The following HMCN2 variants were observed in gnomAD, a reference collection of about 807,000 sequenced individuals.
HMCN2 encodes the protein hemicentin 2, also known as hemicentin-2.
Under a neutral mutation model 377.5 loss-of-function variants are expected in HMCN2, and 325 were observed. That is an observed-to-expected ratio of 0.86 (90% CI 0.79 to 0.94). The LOEUF (loss-of-function observed/expected upper bound fraction) is 0.94, where lower values mean the gene tolerates loss of function less well. Ranked by LOEUF, HMCN2 falls within the 40% of genes least tolerant of loss-of-function variation. The pLI is 0.00. For missense variants in HMCN2, 4,543 were observed against 4,725.3 expected, an observed-to-expected ratio of 0.96 and a Z score of 1.13; for synonymous variants, 2,007 against 2,046.8, an observed-to-expected ratio of 0.98 and a Z score of 0.53.
intron 29 of HMCN2, among the ~76,000 whole-genome samples, chr9:130,350,378 C>CAAAAAAAAAAAAAA (rs1448443171): frequency 1.5e-4 from 11 of 74,724 alleles, no homozygotes; most frequent in Admixed American, 5.7e-4. Context: ...GCTAAAAATA[C>CAAAAAAAAAAAAAA]AAAAAAATAC....
chr9:130,429,103 G>A (rs749660222), intron 93 of HMCN2: 2 of 191,338 alleles, frequency 1.0e-5, no homozygotes, highest in South Asian at 2.0e-4. Context: ...TGGAGTGCCC[G>A]ACAACTCACC....
rs1160414538 is a variant in HMCN2, at chr9:130,393,020, AAGAG to A, written c.10137-187_10137-184del. Among the ~76,000 whole-genome samples, 1 of 151,790 alleles carries A rather than the reference AAGAG, an allele frequency of 6.6e-6. No individual in the cohort carries two copies. The highest frequency in any genetic ancestry group is 1.5e-5 in the Non-Finnish European group (1 of 67,938). ...CACCATCTCAAAAAAAAAAAAGAAA[AAGAG>A]AGAGTTTAAGCAAAGGCTGGGCTCA... On this transcript the variant is annotated intron_variant, in intron 66 of 97. Transcript: ENST00000683500. This position sits in a 1 kb window ranked among gnomAD's most constrained non-coding sequence, Gnocchi z 5.2.
At chr9:130,329,654 G>T (rs970057110) in intron 22 of HMCN2, among the ~76,000 whole-genome samples, 2 of 152,098 alleles carry the variant, frequency 1.3e-5, no homozygotes, top group African/African-American at 2.4e-5. Context: ...TCTTGGTCAG[G>T]CTGGTCTTGA....
intron 15 of HMCN2, among the ~76,000 whole-genome samples, chr9:130,315,505 T>A (rs1215619432): frequency 6.7e-6 from 1 of 149,654 alleles, no homozygotes; most frequent in Non-Finnish European, 1.5e-5. Flanking sequence ...TAGGGTTCTC[T>A]ACAAATGTGA....
intron 27 of HMCN2, 72 bp downstream of exon 27, chr9:130,348,747 T>C: frequency 3.1e-6 from 4 of 1,284,678 alleles, no homozygotes; most frequent in Non-Finnish European, 4.1e-6. Flanking sequence ...GGATGGGCAT[T>C]TCTGCGTGTG....
At chr9:130,278,239 C>T (rs1488940947) in intron 1 of HMCN2, among the ~76,000 whole-genome samples, 1 of 152,158 alleles carries the variant, frequency 6.6e-6, no homozygotes, top group East Asian at 1.9e-4. Flanking sequence ...ATTCTCCTGC[C>T]TCAGCCTCCC....
At chr9:130,398,769 T>C in intron 75 of HMCN2, 62 bp downstream of exon 75, 1 of 1,011,916 alleles carries the variant, frequency 9.9e-7, no homozygotes, top group Non-Finnish European at 1.3e-6. Context: ...CACTCTCTTC[T>C]CACGGGGGCA....
chr9:130,433,379 G>C lies in HMCN2; in HGVS notation c.14926G>C (p.Gly4976Arg), dbSNP rs113041177. 1 of 1,478,218 alleles carries C rather than the reference G, an allele frequency of 6.8e-7. No individual in the cohort carries two copies. Among genetic ancestry groups the C allele is most frequent in the South Asian group, 1.3e-5 (1 of 77,600 alleles). The allele number at this position is 1,478,218 out of a possible 1,614,324, so 91.6% of individuals were successfully genotyped here. Residue 4976 changes from glycine to arginine, a missense_variant, in exon 98 of 98, where the codon GGC becomes CGC. Gly to Arg is a moderately radical substitution (Grantham distance 125, BLOSUM62 -2). Around this residue, in one of 5 missense-constraint regions of HMCN2, gnomAD observed 1,155 missense variants for 1,157.7 expected, o/e 1.00. Transcript: ENST00000683500. ...CTTCCGGCGCTGCTCGCAGGACTGCGGCACGGGCGGCCCCTCTACGCTGCA... is the reference window on the plus strand; with the variant it reads ...CTTCCGGCGCTGCTCGCAGGACTGCCGCACGGGCGGCCCCTCTACGCTGCA... Reference protein sequence around the residue: ...TCFRRCSQDCGTGGPSTLQYR... With the variant: ...TCFRRCSQDCRTGGPSTLQYR...
intron 15 of HMCN2, among the ~76,000 whole-genome samples, 184 bp downstream of exon 15, chr9:130,310,245 G>A (rs1225786074): frequency 6.6e-6 from 1 of 152,178 alleles, no homozygotes; most frequent in Non-Finnish European, 1.5e-5. Context: ...GCTCTTGCTG[G>A]GTAACAAATA....
intron 2 of HMCN2, among the ~76,000 whole-genome samples, chr9:130,284,950 A>T (rs1554927082): frequency 6.6e-6 from 1 of 152,180 alleles, no homozygotes; most frequent in East Asian, 1.9e-4. Flanking sequence ...TCTTGCATGG[A>T]TGAATGAATG....
chr9:130,323,457 A>G (rs1837955678), intron 19 of HMCN2, among the ~76,000 whole-genome samples: 1 of 152,208 alleles, frequency 6.6e-6, no homozygotes, highest in Non-Finnish European at 1.5e-5. Flanking sequence ...AACACTGCTC[A>G]TCTATCCATT....
At chr9:130,314,055 C>T (rs1837414378) in intron 15 of HMCN2, among the ~76,000 whole-genome samples, 1 of 152,336 alleles carries the variant, frequency 6.6e-6, no homozygotes, top group Admixed American at 6.5e-5. Context: ...GCTGGGATTA[C>T]AGGCATGAGC....
Position 130,315,721 on chromosome 9 carries a change from G to A in HMCN2, c.2351-3774G>A, listed in dbSNP as rs1170332579. Among the ~76,000 whole-genome samples the A allele has an allele frequency of 5.9e-5, 9 of 152,242 alleles. No homozygotes were observed. In the South Asian group the frequency reaches 1.9e-3, roughly 32 times the overall value. On this transcript the variant is annotated intron_variant, in intron 15 of 97. Coordinates refer to ENST00000683500, the MANE Select transcript of HMCN2 (RefSeq NM_001291815.2). ...CTCACAGCTCTGGAGGCTGGAAGCC[G>A]ACCATCAGGCTGCTGGCCTGGCTGG...
intron 22 of HMCN2, among the ~76,000 whole-genome samples, chr9:130,328,175 A>C (rs924321899): frequency 1.3e-5 from 2 of 152,186 alleles, no homozygotes; most frequent in Non-Finnish European, 2.9e-5. Context: ...GCATTTCAGA[A>C]CATCTGTTTG....
rs1300823894 is a variant in HMCN2 at position 130,270,529 on chromosome 9, T to G, written c.259+4392T>G. ...TTGCAGGGAGCTATGATTGTGCCAC[T>G]GCCCTCCAGCCTGGGCGACAGAGCA... On this transcript the variant is annotated intron_variant, in intron 1 of 97. Coordinates refer to ENST00000683500, the MANE Select transcript of HMCN2 (RefSeq NM_001291815.2). Among the ~76,000 whole-genome samples the G allele has an allele frequency of 4.0e-5, 6 of 148,232 alleles. 1 individual carries two copies. Among genetic ancestry groups the G allele is most frequent in the Non-Finnish European group, 9.1e-5 (6 of 66,082 alleles).
intron 1 of HMCN2, among the ~76,000 whole-genome samples, chr9:130,277,739 T>TCAC (rs1411933900): frequency 7.7e-6 from 1 of 130,648 alleles, no homozygotes; most frequent in African/African-American, 2.8e-5. Flanking sequence ...ACCATCATCA[T>TCAC]CACCACCACC....
In HMCN2 at chr9:130,431,437, C is replaced by G. The variant is rs910646141; in HGVS notation, c.14718C>G (p.Cys4906Trp). 1.3e-6 allele frequency: 2 copies of G among 1,550,128 alleles called. No individual in the cohort carries two copies. The highest frequency in any genetic ancestry group is 2.7e-5 in the African/African-American group (2 of 73,050). ...ACRNTEGSYQ[C>W]LCPAGYRLLP... Reference sequence around the variant, plus strand: ...GCAACACTGAGGGCAGCTACCAGTGCCTGTGCCCCGCCGGCTACCGTCTGC... The same window carrying G: ...GCAACACTGAGGGCAGCTACCAGTGGCTGTGCCCCGCCGGCTACCGTCTGC... Residue 4906 changes from cysteine to tryptophan, a missense_variant, in exon 96 of 98, where the codon TGC becomes TGG. Cys to Trp is a radical substitution (Grantham distance 215). Transcript: ENST00000683500.
chr9:130,297,703 C>T (rs1836246636), intron 7 of HMCN2, among the ~76,000 whole-genome samples: 1 of 152,164 alleles, frequency 6.6e-6, no homozygotes, highest in Non-Finnish European at 1.5e-5. Flanking sequence ...CAGCCCTTGC[C>T]GGTTTTCCTG....
intron 87 of HMCN2, among the ~76,000 whole-genome samples, chr9:130,424,166 TATA>T (rs201085685): frequency 0.057 from 7,679 of 133,716 alleles, 343 homozygotes; most frequent in African/African-American, 0.14. Context: ...TATATATATA[TATA>T]TTTTTTTTTT....
Sources: allele counts gnomAD v4.1 joint callset (sites outside exome capture counted in the v4.1 genomes callset), GRCh38; gene constraint gnomAD v4.1.1; regional missense constraint gnomAD v4.1.1; non-coding constraint Gnocchi (gnomAD v3.1); transcripts MANE v1.5; gene names NCBI Gene and HGNC (gene_info 2026-07-23, HGNC 2026-07-21).